GLRA2: variants seen among roughly 807,000 people sequenced by gnomAD.
The protein encoded by GLRA2 is glycine receptor subunit alpha-2.
GLRA2 carries 11 observed loss-of-function variants against 31.6 expected under a neutral mutation model. The observed-to-expected ratio is 0.35, with a 90% CI of 0.22 to 0.58. The LOEUF is 0.58. GLRA2 is among the 20% of genes least tolerant of loss of function. The probability of loss-of-function intolerance (pLI) is 0.84; values close to 1 mark genes in which losing one functional copy is unlikely to be tolerated. For missense variants in GLRA2, 212 were observed against 351.8 expected, an observed-to-expected ratio of 0.60 and a Z score of 3.18; for synonymous variants, 132 against 134.0, an observed-to-expected ratio of 0.99 and a Z score of 0.10.
In GLRA2 at chrX:14,709,465, G is replaced by A. The variant is rs755764434; in HGVS notation, c.1080+18606G>A. Among the ~76,000 whole-genome samples, 15 of 111,929 alleles carry A rather than the reference G, an allele frequency of 1.3e-4. 1 individual carries two copies. In the South Asian group the frequency reaches 5.6e-3, roughly 42 times the overall value. The stretch of plus-strand genomic sequence containing the variant: ...CTCTGAAATATTAAATCTGGTAACC[G>A]TAATAATGAAGCAGAGAAAAGAGGA... On this transcript the variant is annotated intron_variant, in intron 8 of 8. Coordinates refer to ENST00000218075, the MANE Select transcript of GLRA2 (RefSeq NM_002063.4).
chrX:14,655,634 C>A (rs1171039508), intron 7 of GLRA2, among the ~76,000 whole-genome samples: 1 of 111,757 alleles, frequency 8.9e-6, no homozygotes, highest in Admixed American at 9.5e-5. Context: ...CCTGCAGCTG[C>A]ACTTTTGGAT....
intron 7 of GLRA2, among the ~76,000 whole-genome samples, chrX:14,662,906 AT>A (rs1396288747): frequency 9.0e-6 from 1 of 111,506 alleles, no homozygotes; most frequent in African/African-American, 3.3e-5. Flanking sequence ...TGCTATTGTT[AT>A]TTTTCATTAT....
At chrX:14,713,412 G>T (rs778906455) in intron 8 of GLRA2, among the ~76,000 whole-genome samples, 2 of 112,085 alleles carry the variant, frequency 1.8e-5, no homozygotes, top group South Asian at 7.4e-4. Flanking sequence ...TGCTGTGAAA[G>T]AATTTCCATA....
chrX:14,464,320 C>T, the GLRA2 span, among the ~76,000 whole-genome samples: 23 of 111,779 alleles, frequency 2.1e-4, no homozygotes, highest in Non-Finnish European at 4.1e-4. Context: ...TTGGGTCTTA[C>T]ATTTAAGTCT....
chrX:14,680,946 G>A (rs2091195062), intron 7 of GLRA2, among the ~76,000 whole-genome samples: 1 of 111,948 alleles, frequency 8.9e-6, no homozygotes, highest in South Asian at 3.7e-4. Context: ...CACATATCTC[G>A]GGCATTAACA....
intron 2 of GLRA2, among the ~76,000 whole-genome samples, chrX:14,539,854 T>C (rs1185593944): frequency 8.9e-6 from 1 of 111,864 alleles, no homozygotes; most frequent in East Asian, 2.8e-4. Context: ...TGGAACATAT[T>C]TTCTTGTGGG....
the GLRA2 span, among the ~76,000 whole-genome samples, chrX:14,475,878 A>G: frequency 1.4e-3 from 161 of 111,935 alleles, 1 homozygote; most frequent in South Asian, 2.6e-3. Context: ...TTTGGGGAAT[A>G]TGCTTATAGT....
chrX:14,568,836 TA>T (rs2089845730), intron 2 of GLRA2, among the ~76,000 whole-genome samples: 1 of 112,362 alleles, frequency 8.9e-6, no homozygotes, highest in African/African-American at 3.2e-5. Flanking sequence ...ATGTAAGCGT[TA>T]AAACCAAAAA....
At chrX:14,543,285 T>C (rs2089433252) in intron 2 of GLRA2, among the ~76,000 whole-genome samples, 1 of 102,289 alleles carries the variant, frequency 9.8e-6, no homozygotes, top group Non-Finnish European at 2.0e-5. Context: ...GATGTCTCTC[T>C]ACTTCACTTC....
intron 7 of GLRA2, among the ~76,000 whole-genome samples, chrX:14,626,775 AAAT>A (rs1439316231): frequency 8.9e-6 from 1 of 112,293 alleles, no homozygotes; most frequent in Non-Finnish European, 1.9e-5. Context: ...TCATTCAATA[AAAT>A]AATAGATGTA....
chrX:14,551,712 T>C (rs1423293534), intron 2 of GLRA2, among the ~76,000 whole-genome samples: 1 of 112,060 alleles, frequency 8.9e-6, no homozygotes, highest in Admixed American at 9.5e-5. Context: ...TCCTATAGTT[T>C]GCTTCTAAAT....
intron 7 of GLRA2, among the ~76,000 whole-genome samples, chrX:14,681,626 C>T (rs1466743813): frequency 9.1e-6 from 1 of 109,579 alleles, no homozygotes; most frequent in African/African-American, 3.3e-5. Context: ...CACAGTGGCT[C>T]ACGCCTGTAA....
intron 8 of GLRA2, among the ~76,000 whole-genome samples, chrX:14,697,189 C>A (rs1461532693): frequency 8.9e-6 from 1 of 111,970 alleles, no homozygotes; most frequent in East Asian, 2.8e-4. Context: ...CATTTAATCA[C>A]CACTACAACT....
At chrX:14,560,834 A>G (rs2089721862) in intron 2 of GLRA2, among the ~76,000 whole-genome samples, 1 of 107,962 alleles carries the variant, frequency 9.3e-6, no homozygotes, top group Admixed American at 1.0e-4. Flanking sequence ...AATAATAGTA[A>G]CATTTATTGT....
chrX:14,493,528 T>A, the GLRA2 span, among the ~76,000 whole-genome samples: 1 of 105,571 alleles, frequency 9.5e-6, no homozygotes, highest in African/African-American at 3.4e-5. Flanking sequence ...TACACACATA[T>A]ATACACATAT....
chrX:14,615,847 AC>A (rs1461089495), intron 7 of GLRA2, among the ~76,000 whole-genome samples: 26 of 112,007 alleles, frequency 2.3e-4, no homozygotes, highest in African/African-American at 8.4e-4. Flanking sequence ...CTTCCTGCCA[AC>A]CAATACTTTT....
At chrX:14,701,780 G>A (rs2091545197) in intron 8 of GLRA2, among the ~76,000 whole-genome samples, 1 of 112,445 alleles carries the variant, frequency 8.9e-6, no homozygotes, top group East Asian at 2.8e-4. Flanking sequence ...TGAAGTTCTA[G>A]TTTTGCACAG....
intron 2 of GLRA2, among the ~76,000 whole-genome samples, chrX:14,539,408 G>A (rs1257262450): frequency 9.0e-6 from 1 of 111,407 alleles, no homozygotes; most frequent in Non-Finnish European, 1.9e-5. Flanking sequence ...GAGCTACTCT[G>A]CACACTTATG....
the GLRA2 span, among the ~76,000 whole-genome samples, chrX:14,474,695 ATGGCTGG>A: frequency 1.0e-5 from 1 of 96,256 alleles, no homozygotes; most frequent in African/African-American, 4.2e-5. Flanking sequence ...GATGGCTGGG[ATGGCTGG>A]GATGGCTGGG....
Sources: gnomAD v4.1 joint callset for allele counts (sites outside exome capture counted in the v4.1 genomes callset) on GRCh38, gnomAD v4.1.1 for gene constraint, MANE v1.5 for transcripts, NCBI Gene and HGNC (gene_info 2026-07-23, HGNC 2026-07-21) for gene names.